The following ATP11A variants were observed in gnomAD, a reference collection of about 807,000 sequenced individuals.
ATP11A encodes the protein ATPase phospholipid transporting 11A.
A neutral mutation model predicts 154.4 loss-of-function variants in ATP11A; 81 were observed. That is an observed-to-expected ratio of 0.52 (90% confidence interval 0.44 to 0.63). The LOEUF (loss-of-function observed/expected upper bound fraction) is 0.63, where lower values mean the gene tolerates loss of function less well. Ranked by LOEUF, ATP11A falls within the 30% of genes least tolerant of loss-of-function variation. The pLI, the probability that ATP11A is intolerant of heterozygous loss-of-function variation, is 0.00. For synonymous variants in ATP11A, 623 were observed against 585.9 expected (o/e 1.06, Z -0.91); for missense variants, 1,316 against 1,474.3 (o/e 0.89, Z 1.76).
chr13:112,782,427 C>CTT (rs1183961169), intron 1 of ATP11A, among the ~76,000 whole-genome samples: 1 of 152,212 alleles, frequency 6.6e-6, no homozygotes, highest in African/African-American at 2.4e-5. Flanking sequence ...TATCTGTATG[C>CTT]TTTTCTCTCT....
Position 112,882,017 on chromosome 13 carries a change from A to G in ATP11A, c.*151A>G, listed in dbSNP as rs756866181. Reference sequence around the variant, plus strand: ...CGGTTCCCATCACCACTGCAGTTCCATCCCAAGTCACAGCTGCCCTAGGTC... The same window carrying G: ...CGGTTCCCATCACCACTGCAGTTCCGTCCCAAGTCACAGCTGCCCTAGGTC... On this transcript the variant is annotated 3_prime_UTR_variant, in exon 30 of 30. Coordinates refer to ENST00000375645, the MANE Select transcript of ATP11A (RefSeq NM_015205.3). This position sits in a 1 kb window ranked among gnomAD's most constrained non-coding sequence, Gnocchi z 5.1. 1 of 1,367,698 alleles carries G rather than the reference A, an allele frequency of 7.3e-7. No homozygotes were observed. The highest frequency in any genetic ancestry group is 9.8e-7 in the Non-Finnish European group (1 of 1,021,948). The allele number at this position is 1,367,698 out of a possible 1,614,324, so 84.7% of individuals were successfully genotyped here. A position where few individuals can be genotyped will look rare whatever the true frequency, so the allele number is the denominator to read the frequency against.
At chr13:112,836,108 T>A in intron 15 of ATP11A, 70 bp from the exon 16 acceptor site, 1 of 1,182,400 alleles carries the variant, frequency 8.5e-7, no homozygotes. Flanking sequence ...TGTGGAGAGC[T>A]CCACAGTTAC....
At chr13:112,800,702 GA>G (rs2078110898) in intron 2 of ATP11A, among the ~76,000 whole-genome samples, 1 of 152,030 alleles carries the variant, frequency 6.6e-6, no homozygotes. Context: ...CCAGAAAGAC[GA>G]TATCACACAC....
chr13:112,690,576 C>T lies in ATP11A; in HGVS notation c.39+121C>T. On this transcript the variant is annotated intron_variant, in intron 1 of 29. Transcript: ENST00000375645. This position sits in a 1 kb window ranked among gnomAD's most constrained non-coding sequence, Gnocchi z 5.6. ...CCCGGGAGGTCTCCGATGTCTGGGA[C>T]TCGGACCGCCCCCGGGGACGAGCGG... The T allele has an allele frequency of 1.1e-6, 1 of 939,820 alleles. No individual in the cohort carries two copies. Among genetic ancestry groups the T allele is most frequent in the Non-Finnish European group, 1.4e-6 (1 of 723,916 alleles). 58.2% of individuals were successfully genotyped at this position (939,820 alleles called of 1,614,324 possible).
At chr13:112,710,205 C>T (rs960123050) in intron 1 of ATP11A, among the ~76,000 whole-genome samples, 7 of 152,150 alleles carry the variant, frequency 4.6e-5, no homozygotes, top group Non-Finnish European at 7.4e-5. Flanking sequence ...TGTGTGTGGC[C>T]GTGGTGTTTA....
In ATP11A at chr13:112,861,554, C is replaced by G. The variant is rs114158463; in HGVS notation, c.2856-886C>G. ...CAATTCTGTGCAGTCTTCTCACATG[C>G]GTGTTTCCTGCATCCACCACCATAG... On this transcript the variant is annotated intron_variant, in intron 24 of 29. Coordinates refer to ENST00000375645, the MANE Select transcript of ATP11A (RefSeq NM_015205.3). Among the ~76,000 whole-genome samples the G allele has an allele frequency of 3.3e-5, 5 of 152,324 alleles. No homozygotes were observed. In the South Asian group the frequency reaches 1.0e-3, roughly 32 times the overall value.
intron 1 of ATP11A, among the ~76,000 whole-genome samples, chr13:112,755,243 G>A (rs1217503614): frequency 6.6e-6 from 1 of 152,160 alleles, no homozygotes; most frequent in African/African-American, 2.4e-5. Context: ...GACTGGGGGC[G>A]GGTCTGTGGG....
At chr13:112,849,239 AG>A (rs1429243472) in intron 17 of ATP11A, among the ~76,000 whole-genome samples, 1 of 152,182 alleles carries the variant, frequency 6.6e-6, no homozygotes, top group Admixed American at 6.5e-5. Context: ...TCAGTTTGCT[AG>A]TATTTTGTTG....
At position 112,756,852 on chromosome 13, in the gene ATP11A, G is replaced by GGGTCTGCTCCCAGCACGT. The variant is rs1363721581; in HGVS notation, c.40-28265_40-28248dup. Among the ~76,000 whole-genome samples, 40 of 151,068 alleles carry GGGTCTGCTCCCAGCACGT rather than the reference G, an allele frequency of 2.6e-4. 1 individual carries two copies. The South Asian group carries it at 7.5e-3, about 28-fold the overall frequency. Reference sequence around the variant, plus strand: ...CAGCACGGGGCCTGCTCCCAGCGCGGGGTCTGCTCCCAGCACGTGGTCTGC... The same window carrying GGGTCTGCTCCCAGCACGT: ...CAGCACGGGGCCTGCTCCCAGCGCGGGGTCTGCTCCCAGCACGTGGTCTGCTCCCAGCACGTGGTCTGC... On this transcript the variant is annotated intron_variant, in intron 1 of 29. Transcript: ENST00000375645.
intron 1 of ATP11A, among the ~76,000 whole-genome samples, chr13:112,772,402 A>G (rs1003628123): frequency 6.6e-6 from 1 of 152,252 alleles, no homozygotes; most frequent in Admixed American, 6.5e-5. Context: ...GCGAGTGTGT[A>G]GGAAGAGAGC....
chr13:112,718,470 A>C (rs535941534), intron 1 of ATP11A, among the ~76,000 whole-genome samples: 1 of 152,268 alleles, frequency 6.6e-6, no homozygotes, highest in South Asian at 2.1e-4. Context: ...CGCAAGTTTC[A>C]TGTGAAATAC....
chr13:112,775,956 T>C (rs1258042069), intron 1 of ATP11A, among the ~76,000 whole-genome samples: 1 of 152,088 alleles, frequency 6.6e-6, no homozygotes, highest in African/African-American at 2.4e-5. Flanking sequence ...CTGCTGCGCC[T>C]CCCGGGCGTG....
chr13:112,773,111 C>G (rs34132740), intron 1 of ATP11A, among the ~76,000 whole-genome samples: 17,396 of 152,044 alleles, frequency 0.11, 1,680 homozygotes, highest in African/African-American at 0.26. Flanking sequence ...GTGAGGTGCT[C>G]CCTTGTGCCA....
At chr13:112,719,330 C>G (rs1164234793) in intron 1 of ATP11A, among the ~76,000 whole-genome samples, 1 of 152,202 alleles carries the variant, frequency 6.6e-6, no homozygotes, top group African/African-American at 2.4e-5. Flanking sequence ...CCTTGCATGC[C>G]TTTGTTATAT....
chr13:112,802,214 T>C (rs561909598), intron 2 of ATP11A, among the ~76,000 whole-genome samples: 12 of 152,026 alleles, frequency 7.9e-5, no homozygotes, highest in East Asian at 1.9e-4. Flanking sequence ...GGCGTGGTGG[T>C]GGGCGCCTGT....
chr13:112,886,620 G>A lies in ATP11A; in HGVS notation c.*4754G>A, dbSNP rs2080984957. The A allele has an allele frequency of 6.6e-6, 1 of 152,394 alleles. No individual in the cohort carries two copies. Among genetic ancestry groups the A allele is most frequent in the African/African-American group, 2.4e-5 (1 of 41,372 alleles). The allele number at this position is 152,394 out of a possible 1,614,324, so 9.4% of individuals were successfully genotyped here. A position where few individuals can be genotyped will look rare whatever the true frequency, so the allele number is the denominator to read the frequency against. ...TCTATAAGCAGCCTTGATGGGATAT[G>A]TTAGAAGTGTCATGAAAGTGTGATT... On this transcript the variant is annotated 3_prime_UTR_variant, in exon 30 of 30. Coordinates refer to ENST00000375645, the MANE Select transcript of ATP11A (RefSeq NM_015205.3).
chr13:112,828,139 T>TGGGGGGAAACGCCC (rs2078984985), intron 12 of ATP11A, among the ~76,000 whole-genome samples: 1 of 66,042 alleles, frequency 1.5e-5, no homozygotes, highest in Non-Finnish European at 2.8e-5. Context: ...CAGCGTTGAG[T>TGGGGGGAAACGCCC]AGGGGGGAAA....
Position 112,857,820 on chromosome 13 carries a change from T to A in ATP11A, c.2421T>A (p.Ile807=), listed in dbSNP as rs143949209. 1,210 of 1,612,912 alleles carry A rather than the reference T, an allele frequency of 7.5e-4. 26 individuals are homozygous for A. In the East Asian group the frequency reaches 0.026, roughly 35 times the overall value. ...CRMAPLQKAQ[I]VKLIKFSKEH... ...TTCCGCATTTCTTTCTTTTGCAGAT[T>A]GTTAAATTAATCAAATTTTCAAAAG... Residue 807 remains isoleucine (I), a splice_region_variant and synonymous_variant, in exon 21 of 30, where the codon ATT becomes ATA. Coordinates refer to ENST00000375645, the MANE Select transcript of ATP11A (RefSeq NM_015205.3).
intron 14 of ATP11A, 28 bp downstream of exon 14, chr13:112,833,051 G>T: frequency 6.3e-7 from 1 of 1,596,974 alleles, no homozygotes; most frequent in Admixed American, 1.7e-5. Flanking sequence ...GGTCTGCCTG[G>T]GTTTCCTGAT....
Sources: allele counts gnomAD v4.1 joint callset (sites outside exome capture counted in the v4.1 genomes callset), GRCh38; gene constraint gnomAD v4.1.1; non-coding constraint Gnocchi (gnomAD v3.1); transcripts MANE v1.5; gene names NCBI Gene and HGNC (gene_info 2026-07-23, HGNC 2026-07-21).